TMEM221: variants seen among roughly 807,000 people sequenced by gnomAD.
TMEM221 encodes Putative transmembrane protein ENSP00000342162.
A neutral mutation model predicts 10.2 loss-of-function variants in TMEM221; 11 were observed. That is an observed-to-expected ratio of 1.08 (90% confidence interval 0.68 to 1.79). TMEM221 has a LOEUF of 1.79. Among genes scored for constraint, TMEM221 ranks in the 40% most tolerant of loss-of-function variants. The pLI is 0.00. For synonymous variants in TMEM221, 172 were observed against 199.8 expected (o/e 0.86, Z 1.18); for missense variants, 382 against 417.7 (o/e 0.91, Z 0.75).
At chr19:17,442,973 T>C (rs2074937785) in intron 2 of TMEM221, among the ~76,000 whole-genome samples, 1 of 152,030 alleles carries the variant, frequency 6.6e-6, no homozygotes, top group African/African-American at 2.4e-5. Context: ...AAAAATATTT[T>C]GAGGGCCTGG....
intron 2 of TMEM221, among the ~76,000 whole-genome samples, chr19:17,441,229 AG>A (rs2074930607): frequency 6.6e-6 from 1 of 151,060 alleles, no homozygotes; most frequent in African/African-American, 2.4e-5. Flanking sequence ...AAAAAAAAAA[AG>A]AAGGGACTTT....
chr19:17,444,515 G>A (rs1186220523), intron 2 of TMEM221, among the ~76,000 whole-genome samples: 4 of 117,548 alleles, frequency 3.4e-5, no homozygotes, highest in Non-Finnish European at 5.1e-5. Flanking sequence ...TGCCATCCAC[G>A]GGCTTTTTTT....
At chr19:17,447,931 C>A (rs1361297482) in intron 1 of TMEM221, among the ~76,000 whole-genome samples, 1 of 152,102 alleles carries the variant, frequency 6.6e-6, no homozygotes, top group Non-Finnish European at 1.5e-5. Context: ...AGTGGTTGCA[C>A]CTGCTGCAAA....
At chr19:17,441,068 C>T (rs1223262429) in intron 2 of TMEM221, among the ~76,000 whole-genome samples, 2 of 151,940 alleles carry the variant, frequency 1.3e-5, no homozygotes, top group African/African-American at 4.8e-5. Flanking sequence ...ATTAGCTGGG[C>T]GTGCTGGTGG....
chr19:17,438,286 C>T (rs1465596355), intron 2 of TMEM221, among the ~76,000 whole-genome samples: 1 of 152,062 alleles, frequency 6.6e-6, no homozygotes, highest in African/African-American at 2.4e-5. Context: ...CAGGGTTTCA[C>T]TATGTTGGCC....
At chr19:17,438,455 C>T (rs991867070) in intron 2 of TMEM221, among the ~76,000 whole-genome samples, 7 of 152,136 alleles carry the variant, frequency 4.6e-5, no homozygotes, top group Non-Finnish European at 7.3e-5. Context: ...AATTCCTGAG[C>T]GCAAGTGGTC....
At position 17,436,639 on chromosome 19, in the gene TMEM221, G is replaced by C; in HGVS notation, c.695C>G (p.Ser232Cys). The C allele has an allele frequency of 6.5e-7, 1 of 1,536,068 alleles. No homozygotes were observed. The highest frequency in any genetic ancestry group is 8.7e-7 in the Non-Finnish European group (1 of 1,146,864). Residue 232 changes from serine (S) to cysteine (C), a missense_variant, in exon 3 of 3, where the codon TCC becomes TGC. Ser to Cys is a moderately radical substitution (Grantham distance 112). Transcript: ENST00000341130. ...TGCAGGTGCTGTGGCAGTGGCCATG[G>C]ACCCAAAGGGGTCCCCAGGCTCTGG... ...TCPEPGDPFG[S>C]MATATAPAAL...
intron 2 of TMEM221, among the ~76,000 whole-genome samples, chr19:17,440,122 G>C (rs537789324): frequency 5.3e-5 from 8 of 152,258 alleles, no homozygotes; most frequent in African/African-American, 1.9e-4. Context: ...AGGACATGGA[G>C]GCTGCAGTGA....
chr19:17,436,805 G>A lies in TMEM221; in HGVS notation c.529C>T (p.Arg177Trp), dbSNP rs370909866. 65 of 1,510,968 alleles carry A rather than the reference G, an allele frequency of 4.3e-5. No individual in the cohort carries two copies. Among genetic ancestry groups the A allele is most frequent in the East Asian group, 2.0e-4 (8 of 40,552 alleles). 93.6% of individuals were successfully genotyped at this position (1,510,968 alleles called of 1,614,324 possible). ...TCATGGAGCCCACGGCGGGCAGCCC[G>A]GGCAGCCCGGAGGAGAGTGTGGGTC... ...VLTHTLLRAA[R>W]AARRGLHELS... Residue 177 changes from arginine (R) to tryptophan (W), a missense_variant, in exon 3 of 3, where the codon CGG becomes TGG. Arg to Trp is a moderately radical substitution (Grantham distance 101). Transcript: ENST00000341130.
chr19:17,444,937 G>A (rs2074947149), intron 2 of TMEM221: 1 of 257,162 alleles, frequency 3.9e-6, no homozygotes, highest in African/African-American at 2.2e-5. Flanking sequence ...GAGCTACTAT[G>A]CCTGGTCCTA....
At chr19:17,441,914 G>A (rs544232819) in intron 2 of TMEM221, among the ~76,000 whole-genome samples, 1 of 151,928 alleles carries the variant, frequency 6.6e-6, no homozygotes, top group South Asian at 2.1e-4. Context: ...ATGGATGATT[G>A]GTTGGATGTG....
chr19:17,437,987 C>T (rs1365100248), intron 2 of TMEM221, among the ~76,000 whole-genome samples: 1 of 151,204 alleles, frequency 6.6e-6, no homozygotes, highest in East Asian at 1.9e-4. Flanking sequence ...GGCTCGGCTA[C>T]AGCTCACTGC....
chr19:17,448,584 T>G lies in TMEM221; in HGVS notation c.-122A>C. The G allele has an allele frequency of 1.5e-6, 1 of 673,048 alleles. No individual in the cohort carries two copies. Among genetic ancestry groups the G allele is most frequent in the Non-Finnish European group, 2.1e-6 (1 of 477,344 alleles). 41.7% of individuals were successfully genotyped at this position (673,048 alleles called of 1,614,324 possible). ...CCCGAGGGGGCGGGGCCGCAGGGAG[T>G]GTCTGAAAGTTCGGGGACTGGGCTG... is the stretch of plus-strand genomic sequence containing the variant. On this transcript the variant is annotated 5_prime_UTR_variant, in exon 1 of 3. Coordinates refer to ENST00000341130, the MANE Select transcript of TMEM221 (RefSeq NM_001190844.2). The surrounding 1 kb of genome is among the most constrained non-coding windows in gnomAD (Gnocchi z 4.7).
chr19:17,436,910 A>G lies in TMEM221; in HGVS notation c.424T>C (p.Leu142=). Reference sequence around the variant, plus strand: ...CCTGTCTCGATCTCGAAAAGTAGCAAGGCATAGATGGACAGTGCTAGGGAA... The same window carrying G: ...CCTGTCTCGATCTCGAAAAGTAGCAGGGCATAGATGGACAGTGCTAGGGAA... The part of the protein sequence containing the change: ...VYLAALSIYA[L]LLFEIETGAA... Residue 142 remains leucine (L), a synonymous_variant, in exon 3 of 3, where the codon TTG becomes CTG. Transcript: ENST00000341130. 1.4e-6 allele frequency: 2 copies of G among 1,427,196 alleles called. No individual in the cohort carries two copies. Among genetic ancestry groups the G allele is most frequent in the South Asian group, 1.5e-5 (1 of 65,224 alleles). The allele number at this position is 1,427,196 out of a possible 1,614,324, so 88.4% of individuals were successfully genotyped here.
rs750708186 is a variant in TMEM221, at chr19:17,436,687, C to T, written c.647G>A (p.Arg216His). Residue 216 changes from arginine to histidine, a missense_variant, in exon 3 of 3, where the codon CGT (arginine) becomes CAT (histidine). Physicochemically the swap from Arg to His is conservative, Grantham distance 29. Coordinates refer to ENST00000341130, the MANE Select transcript of TMEM221 (RefSeq NM_001190844.2). ...TGGACAGGTTGAATAGGGGGTCCGACGATGGATACCCTGCTGAGGCTGAGC... is the reference window on the plus strand; with the variant it reads ...TGGACAGGTTGAATAGGGGGTCCGATGATGGATACCCTGCTGAGGCTGAGC... ...PRAQPQQGIH[R>H]RTPYSTCPEP... 1.5e-5 allele frequency: 23 copies of T among 1,534,730 alleles called. No individual in the cohort carries two copies. The highest frequency in any genetic ancestry group is 2.4e-5 in the East Asian group (1 of 40,878).
intron 2 of TMEM221, 26 bp from the exon 3 acceptor site, chr19:17,436,953 AT>A: frequency 7.2e-7 from 1 of 1,381,826 alleles, no homozygotes; most frequent in South Asian, 1.9e-5. Context: ...ACTCTCATTT[AT>A]TCAGTCAACA....
At chr19:17,436,974 C>A in intron 2 of TMEM221, 47 bp from the exon 3 acceptor site, 6 of 1,335,450 alleles carry the variant, frequency 4.5e-6, no homozygotes, top group Non-Finnish European at 4.8e-6. Flanking sequence ...AAACATTTGC[C>A]CTCCAAGCCC....
chr19:17,436,165 G>C lies in TMEM221; in HGVS notation c.*293C>G. ...CCAGCCTCCCCTGCAGCAAGGTATG[G>C]CCATTTCGCTCTGTTCTGGCCAGTG... On this transcript the variant is annotated 3_prime_UTR_variant, in exon 3 of 3. Transcript: ENST00000341130. 3.2e-6 allele frequency: 1 copy of C among 310,688 alleles called. No homozygotes were observed. Among genetic ancestry groups the C allele is most frequent in the South Asian group, 1.1e-4 (1 of 9,216 alleles). The allele number at this position is 310,688 out of a possible 1,614,324, so 19.2% of individuals were successfully genotyped here. A position where few individuals can be genotyped will look rare whatever the true frequency, so the allele number is the denominator to read the frequency against.
At chr19:17,441,250 A>AGCT (rs1269112692) in intron 2 of TMEM221, among the ~76,000 whole-genome samples, 1 of 150,496 alleles carries the variant, frequency 6.6e-6, no homozygotes, top group East Asian at 1.9e-4. Context: ...TGAGGACCTG[A>AGCT]GCTAGCTAGC....
Sources: gnomAD v4.1 joint callset for allele counts (sites outside exome capture counted in the v4.1 genomes callset) on GRCh38, gnomAD v4.1.1 for gene constraint, Gnocchi (gnomAD v3.1) non-coding constraint, MANE v1.5 for transcripts, NCBI Gene and HGNC (gene_info 2026-07-23, HGNC 2026-07-21) for gene names.